Variants in CLTRN observed in about 807,000 individuals in gnomAD.
The protein encoded by CLTRN is collectrin.
In CLTRN, 12 loss-of-function variants were observed where a neutral mutation model predicts 14.5. That is an observed-to-expected ratio of 0.83 (90% CI 0.53 to 1.34). CLTRN has a LOEUF of 1.34. CLTRN is among the 40% of genes most tolerant of loss of function. The probability of loss-of-function intolerance (pLI) is 0.00; values close to 1 mark genes in which losing one functional copy is unlikely to be tolerated. For missense variants in CLTRN, 154 were observed against 165.1 expected (o/e 0.93, Z 0.37); for synonymous variants, 58 against 56.5 (o/e 1.03, Z -0.12).
intron 3 of CLTRN, chrX:15,646,924 C>T (rs1929093636): frequency 1.5e-5 from 4 of 271,539 alleles, no homozygotes; most frequent in Non-Finnish European, 2.8e-5. Flanking sequence ...TTCCTTTCTG[C>T]CCGGGTCTAG....
At chrX:15,660,806 CCAACAACAA>C (rs35179264) in intron 2 of CLTRN, among the ~76,000 whole-genome samples, 30,852 of 101,111 alleles carry the variant, frequency 0.31, 3,733 homozygotes, top group East Asian at 0.42. Context: ...GACCCTGTCT[CCAACAACAA>C]CAACAACAAC....
chrX:15,642,942 T>A (rs865796094), intron 4 of CLTRN, among the ~76,000 whole-genome samples: 4 of 106,782 alleles, frequency 3.7e-5, no homozygotes, highest in East Asian at 2.9e-4. Context: ...AAAAAAAAAA[T>A]TTAAATTAGC....
At chrX:15,653,871 G>C (rs1384997351) in intron 3 of CLTRN, among the ~76,000 whole-genome samples, 1 of 112,656 alleles carries the variant, frequency 8.9e-6, no homozygotes, top group Non-Finnish European at 1.9e-5. Flanking sequence ...GGAATTATTT[G>C]AATTCACTTT....
At chrX:15,671,867 C>CAA (rs1444755047) in intron 1 of CLTRN, among the ~76,000 whole-genome samples, 1 of 92,536 alleles carries the variant, frequency 1.1e-5, no homozygotes, top group Non-Finnish European at 2.2e-5. Flanking sequence ...CACACACACA[C>CAA]ACACACACAC....
chrX:15,651,137 G>A (rs1929203814), intron 3 of CLTRN, among the ~76,000 whole-genome samples: 1 of 111,271 alleles, frequency 9.0e-6, no homozygotes, highest in African/African-American at 3.3e-5. Context: ...GGGGGGACAT[G>A]GTTTTCTTGT....
chrX:15,668,961 A>G (rs887842629), upstream of CLTRN, among the ~76,000 whole-genome samples: 1 of 111,728 alleles, frequency 9.0e-6, no homozygotes, highest in Non-Finnish European at 1.9e-5. Flanking sequence ...TGTTCTCTTT[A>G]TATTTTCTAA....
At chrX:15,650,383 T>G (rs147797542) in intron 3 of CLTRN, among the ~76,000 whole-genome samples, 3 of 111,386 alleles carry the variant, frequency 2.7e-5, no homozygotes, top group African/African-American at 9.8e-5. Flanking sequence ...ACTAGCTTCA[T>G]TGATAAGGAG....
chrX:15,628,949 G>C (rs780113812), intron 5 of CLTRN, among the ~76,000 whole-genome samples: 1 of 111,589 alleles, frequency 9.0e-6, no homozygotes, highest in South Asian at 3.8e-4. Context: ...CAAATTCAAA[G>C]GTTTTTCCTG....
intron 3 of CLTRN, among the ~76,000 whole-genome samples, chrX:15,647,166 C>G (rs1929101769): frequency 9.0e-6 from 1 of 111,182 alleles, no homozygotes; most frequent in African/African-American, 3.2e-5. Context: ...AAGAGTCAGG[C>G]CCCTGCCACC....
intron 1 of CLTRN, among the ~76,000 whole-genome samples, chrX:15,673,621 T>C (rs112815776): frequency 0.021 from 2,326 of 112,396 alleles, 57 homozygotes; most frequent in African/African-American, 0.071. Flanking sequence ...AAAAATGTTT[T>C]GTTGAAAATT....
At chrX:15,660,748 C>T (rs868673447) in intron 2 of CLTRN, among the ~76,000 whole-genome samples, 30 of 109,770 alleles carry the variant, frequency 2.7e-4, no homozygotes, top group Middle Eastern at 4.6e-3. Flanking sequence ...TGGAGGTTGC[C>T]GTGAGCCAAG....
chrX:15,652,409 T>G (rs767717189), intron 3 of CLTRN, among the ~76,000 whole-genome samples: 50 of 110,229 alleles, frequency 4.5e-4, no homozygotes, highest in Admixed American at 1.3e-3. Context: ...TAATTTATTG[T>G]TCATCATATT....
intron 1 of CLTRN, among the ~76,000 whole-genome samples, chrX:15,670,454 T>C: frequency 9.0e-6 from 1 of 111,120 alleles, no homozygotes; most frequent in Non-Finnish European, 1.9e-5. Flanking sequence ...GTTTAAATTG[T>C]AATGAAATGG....
At chrX:15,634,515 T>C (rs1928771140) in intron 5 of CLTRN, among the ~76,000 whole-genome samples, 1 of 109,731 alleles carries the variant, frequency 9.1e-6, no homozygotes, top group African/African-American at 3.3e-5. Context: ...CATCATAAAA[T>C]TGACCATACA....
chrX:15,659,192 C>CCA (rs374840378), intron 2 of CLTRN, 91 bp from the exon 3 acceptor site: 5,943 of 326,150 alleles, frequency 0.018, 236 homozygotes, highest in African/African-American at 0.13. Flanking sequence ...CTCTCTCTCT[C>CCA]CACACACACA....
upstream of CLTRN, chrX:15,664,986 G>A: frequency 2.4e-6 from 1 of 409,143 alleles, no homozygotes; most frequent in African/African-American, 2.5e-5. Flanking sequence ...AAACCTGTTT[G>A]GAAAACAGAT....
Position 15,639,545 on chromosome X carries a change from C to T in CLTRN, c.512+17G>A, listed in dbSNP as rs1928889141. 1.7e-6 allele frequency: 2 copies of T among 1,186,229 alleles called. No homozygotes were observed. Among genetic ancestry groups the T allele is most frequent in the East Asian group, 5.9e-5 (2 of 33,713 alleles). ...ATAAGAAAATGCTCTTTCAATCACT[C>T]CTTTTAAATATCTTACCTTCTACGT... On this transcript the variant is annotated intron_variant, in intron 5 of 5. Transcript: ENST00000380342.
At chrX:15,645,129 G>T in intron 3 of CLTRN, 100 bp from the exon 4 acceptor site, 1 of 430,615 alleles carries the variant, frequency 2.3e-6, no homozygotes, top group Non-Finnish European at 3.9e-6. Context: ...AGACATCTTA[G>T]CTATGTTTAA....
intron 2 of CLTRN, among the ~76,000 whole-genome samples, chrX:15,664,007 TGAG>T (rs1929566725): frequency 9.0e-6 from 1 of 111,612 alleles, no homozygotes. Flanking sequence ...ACCACAACGG[TGAG>T]GAGTAGACCC....
Sources: allele counts gnomAD v4.1 joint callset (sites outside exome capture counted in the v4.1 genomes callset), GRCh38; gene constraint gnomAD v4.1.1; transcripts MANE v1.5; gene names NCBI Gene and HGNC (gene_info 2026-07-23, HGNC 2026-07-21).